The following LAMA2 variants were observed in gnomAD, a reference collection of about 807,000 sequenced individuals.
LAMA2 encodes the protein laminin subunit alpha-2.
Under a neutral mutation model 364.8 loss-of-function variants are expected in LAMA2, and 269 were observed. That is an observed-to-expected ratio of 0.74 (90% CI 0.67 to 0.82). The LOEUF is 0.82. Ranked by LOEUF, LAMA2 falls within the 40% of genes least tolerant of loss-of-function variation. The probability of loss-of-function intolerance (pLI) is 0.00; values close to 1 mark genes in which losing one functional copy is unlikely to be tolerated. For missense variants in LAMA2, 3,807 were observed against 3,873.2 expected (o/e 0.98, Z 0.45); for synonymous variants, 1,379 against 1,370.6 (o/e 1.01, Z -0.14).
chr6:129,045,780 A>C (rs1787443066), intron 1 of LAMA2, among the ~76,000 whole-genome samples: 1 of 152,198 alleles, frequency 6.6e-6, no homozygotes, highest in African/African-American at 2.4e-5. Context: ...GCTTCCTCCC[A>C]TGATTGCTGA....
intron 8 of LAMA2, among the ~76,000 whole-genome samples, chr6:129,165,286 A>T (rs1184386963): frequency 6.6e-6 from 1 of 151,918 alleles, no homozygotes; most frequent in Non-Finnish European, 1.5e-5. Flanking sequence ...TTGTTGATAT[A>T]CTATGTATAC....
intron 35 of LAMA2, among the ~76,000 whole-genome samples, chr6:129,385,310 G>GGGAAGGAAGGAA (rs147858586): frequency 7.2e-6 from 1 of 139,694 alleles, no homozygotes; most frequent in Admixed American, 7.1e-5. Context: ...AAGAAGAAAA[G>GGGAAGGAAGGAA]GGAAGGAAGG....
intron 37 of LAMA2, among the ~76,000 whole-genome samples, chr6:129,395,246 AAATAAATAACT>A (rs1779547266): frequency 6.6e-6 from 1 of 152,226 alleles, no homozygotes; most frequent in South Asian, 2.1e-4. Flanking sequence ...GCTGCATTTT[AAATAAATAACT>A]CCCTTATAAC....
At chr6:128,981,774 C>T (rs1782899384) in intron 1 of LAMA2, among the ~76,000 whole-genome samples, 1 of 151,908 alleles carries the variant, frequency 6.6e-6, no homozygotes, top group Non-Finnish European at 1.5e-5. Context: ...AATAATAATA[C>T]TGCCTTCCAG....
intron 31 of LAMA2, among the ~76,000 whole-genome samples, chr6:129,351,021 C>A (rs1776823636): frequency 6.6e-6 from 1 of 152,068 alleles, no homozygotes; most frequent in African/African-American, 2.4e-5. Flanking sequence ...ATATATACAT[C>A]TTTTGGATAT....
At chr6:128,928,817 T>C (rs1006674698) in intron 1 of LAMA2, among the ~76,000 whole-genome samples, 4 of 152,226 alleles carry the variant, frequency 2.6e-5, no homozygotes, top group African/African-American at 9.6e-5. Flanking sequence ...TAGTCAGAGC[T>C]CCTGCTGGCT....
chr6:129,449,104 G>A (rs529290392), intron 45 of LAMA2, among the ~76,000 whole-genome samples: 1 of 152,252 alleles, frequency 6.6e-6, no homozygotes, highest in Non-Finnish European at 1.5e-5. Flanking sequence ...CAACAGTTTG[G>A]GCTAAGTGAA....
At chr6:129,286,203 T>C (rs1400440126) in intron 18 of LAMA2, among the ~76,000 whole-genome samples, 1 of 152,090 alleles carries the variant, frequency 6.6e-6, no homozygotes, top group Non-Finnish European at 1.5e-5. Flanking sequence ...TCTCCCACAT[T>C]GTTTTTGATC....
At chr6:129,336,349 G>A (rs188530364) in intron 29 of LAMA2, among the ~76,000 whole-genome samples, 5 of 152,186 alleles carry the variant, frequency 3.3e-5, no homozygotes, top group African/African-American at 1.2e-4. Flanking sequence ...TAAGTGCTAG[G>A]TTTACTGTAT....
At chr6:129,026,389 A>G (rs1332808963) in intron 1 of LAMA2, among the ~76,000 whole-genome samples, 5 of 152,222 alleles carry the variant, frequency 3.3e-5, no homozygotes, top group African/African-American at 1.2e-4. Flanking sequence ...TTTTGCATGA[A>G]GATGGTTACA....
At chr6:129,150,540 T>C (rs1457940855) in intron 7 of LAMA2, among the ~76,000 whole-genome samples, 1 of 152,156 alleles carries the variant, frequency 6.6e-6, no homozygotes, top group Non-Finnish European at 1.5e-5. Flanking sequence ...TTTCTACGTT[T>C]AAATACAAAA....
At chr6:129,465,076 C>A (rs1783471542) in intron 50 of LAMA2, 69 bp from the exon 51 acceptor site, 4 of 1,297,964 alleles carry the variant, frequency 3.1e-6, no homozygotes, top group East Asian at 2.3e-5. Context: ...ATAAACCACA[C>A]AAGAAAAGTG....
intron 34 of LAMA2, among the ~76,000 whole-genome samples, chr6:129,380,381 A>G (rs1411935429): frequency 6.6e-6 from 1 of 152,168 alleles, no homozygotes; most frequent in Non-Finnish European, 1.5e-5. Flanking sequence ...AATATTTACT[A>G]TAAGTTAGGC....
chr6:129,500,625 G>GT (rs1415664919), intron 58 of LAMA2, among the ~76,000 whole-genome samples: 9 of 152,048 alleles, frequency 5.9e-5, no homozygotes, highest in African/African-American at 1.9e-4. Context: ...CTGGTCAAAG[G>GT]TTTTTTTCTA....
intron 10 of LAMA2, among the ~76,000 whole-genome samples, chr6:129,180,897 T>C (rs1780885209): frequency 6.6e-6 from 1 of 152,028 alleles, no homozygotes; most frequent in South Asian, 2.1e-4. Flanking sequence ...GGAGTTTTAA[T>C]GCCCTCACTA....
chr6:129,432,721 G>T (rs150270486), intron 41 of LAMA2, among the ~76,000 whole-genome samples: 69 of 152,274 alleles, frequency 4.5e-4, no homozygotes, highest in Non-Finnish European at 8.4e-4. Context: ...AAACAAGCCT[G>T]CAAGCCCACA....
intron 12 of LAMA2, among the ~76,000 whole-genome samples, chr6:129,230,064 C>T (rs1476444909): frequency 6.6e-6 from 1 of 151,938 alleles, no homozygotes; most frequent in East Asian, 1.9e-4. Flanking sequence ...ATGTGATAAC[C>T]AAGAAAATGA....
Position 128,996,521 on chromosome 6 carries a change from A to G in LAMA2, c.113-53397A>G, listed in dbSNP as rs938170207. Among the ~76,000 whole-genome samples the G allele has an allele frequency of 3.9e-5, 6 of 152,238 alleles. No individual in the cohort carries two copies. In the East Asian group the frequency reaches 1.2e-3, roughly 29 times the overall value. ...ATTTATGTGGCCAACAAACATATGA[A>G]AAAAAGCTCACCATCACTGGTAATT... On this transcript the variant is annotated intron_variant, in intron 1 of 64. Coordinates refer to ENST00000421865, the MANE Select transcript of LAMA2 (RefSeq NM_000426.4).
intron 1 of LAMA2, among the ~76,000 whole-genome samples, chr6:128,969,353 T>C (rs1027217575): frequency 6.6e-6 from 1 of 152,224 alleles, no homozygotes; most frequent in Non-Finnish European, 1.5e-5. Context: ...TGCAGCTCTC[T>C]GAGAATAGAT....
Sources: allele counts gnomAD v4.1 joint callset (sites outside exome capture counted in the v4.1 genomes callset), GRCh38; gene constraint gnomAD v4.1.1; transcripts MANE v1.5; gene names NCBI Gene and HGNC (gene_info 2026-07-23, HGNC 2026-07-21).